The following AFF3 variants were observed in gnomAD, a reference collection of about 807,000 sequenced individuals.
AFF3 encodes the protein ALF transcription elongation factor 3.
In AFF3, 32 loss-of-function variants were observed where a neutral mutation model predicts 129.7. The observed-to-expected ratio is 0.25, with a 90% CI of 0.19 to 0.33. The LOEUF is 0.33. Among genes scored for constraint, AFF3 ranks in the 10% least tolerant of loss-of-function variants. AFF3 has a pLI of 1.00. For synonymous variants in AFF3, 644 were observed against 635.4 expected, an observed-to-expected ratio of 1.01 and a Z score of -0.20; for missense variants, 1,373 against 1,592.0, an observed-to-expected ratio of 0.86 and a Z score of 2.34.
At chr2:99,558,745 T>A (rs1354027555) in intron 22 of AFF3, 130 bp downstream of exon 22, 2 of 752,956 alleles carry the variant, frequency 2.7e-6, no homozygotes, top group Admixed American at 2.7e-5. Flanking sequence ...GTGGCATAAA[T>A]GGGGTTACCT....
Position 99,593,874 on chromosome 2 carries a change from G to T in AFF3, c.1787C>A (p.Ala596Asp). The T allele has an allele frequency of 6.5e-7, 1 of 1,540,414 alleles. No homozygotes were observed. The change falls in exon 15 of 25, where the codon GCC (alanine) becomes GAC (aspartate). Residue 596 changes from alanine to aspartate, a missense_variant. Coordinates refer to ENST00000672756, the MANE Select transcript of AFF3 (RefSeq NM_001386135.1). ...KPTRRTERTSAGDGANCHRPE... is the reference protein window; with the variant it reads ...KPTRRTERTSDGDGANCHRPE... Reference sequence around the variant, plus strand: ...CCGGTGGCAGTTGGCGCCGTCCCCGGCTGAGGTCCTCTCGGTGCGCCTGGT... The same window carrying T: ...CCGGTGGCAGTTGGCGCCGTCCCCGTCTGAGGTCCTCTCGGTGCGCCTGGT...
intron 4 of AFF3, among the ~76,000 whole-genome samples, chr2:100,094,617 G>A (rs1373195817): frequency 5.4e-5 from 8 of 149,466 alleles, no homozygotes; most frequent in Admixed American, 2.0e-4. Context: ...TCCACAGCCC[G>A]GGGGCTGGGG....
At chr2:99,916,848 C>T (rs533326259) in intron 7 of AFF3, among the ~76,000 whole-genome samples, 2 of 152,116 alleles carry the variant, frequency 1.3e-5, no homozygotes, top group African/African-American at 2.4e-5. Flanking sequence ...GAATCTCATC[C>T]TCATGAGGCC....
At chr2:99,993,822 T>TG (rs1680585907) in intron 7 of AFF3, among the ~76,000 whole-genome samples, 1 of 119,510 alleles carries the variant, frequency 8.4e-6, no homozygotes, top group Non-Finnish European at 1.7e-5. Flanking sequence ...TTTTTTTTTT[T>TG]GAGACGGAGT....
chr2:99,626,420 T>C, intron 13 of AFF3, among the ~76,000 whole-genome samples: 3 of 95,154 alleles, frequency 3.2e-5, no homozygotes, highest in Admixed American at 1.1e-4. Context: ...TCCCCTCCCT[T>C]TCTCTCTCCT....
chr2:100,090,977 A>C (rs557915714), intron 4 of AFF3, among the ~76,000 whole-genome samples: 22 of 152,356 alleles, frequency 1.4e-4, no homozygotes, highest in Admixed American at 5.2e-4. Context: ...GGCGTGAGCC[A>C]CCACGCCCAG....
At chr2:99,943,303 T>C (rs1368595825) in intron 7 of AFF3, among the ~76,000 whole-genome samples, 1 of 152,230 alleles carries the variant, frequency 6.6e-6, no homozygotes, top group African/African-American at 2.4e-5. Flanking sequence ...ATGACCATGC[T>C]GGACAGTGTC....
intron 7 of AFF3, among the ~76,000 whole-genome samples, chr2:99,998,578 A>C (rs1055636084): frequency 6.6e-6 from 1 of 152,224 alleles, no homozygotes; most frequent in African/African-American, 2.4e-5. Flanking sequence ...TTCTGCTGTT[A>C]ATCCTTTTGT....
At chr2:99,873,303 A>G (rs1692022201) in intron 7 of AFF3, among the ~76,000 whole-genome samples, 1 of 152,240 alleles carries the variant, frequency 6.6e-6, no homozygotes. Context: ...AGCGTTTGGT[A>G]GCACCGCTTT....
intron 11 of AFF3, among the ~76,000 whole-genome samples, chr2:99,717,050 G>A (rs1678466829): frequency 6.6e-6 from 1 of 152,040 alleles, no homozygotes; most frequent in Admixed American, 6.6e-5. Flanking sequence ...TTCTGTGATT[G>A]ATCCATGCTA....
At chr2:100,128,050 A>G (rs1160894359) in intron 2 of AFF3, among the ~76,000 whole-genome samples, 1 of 152,168 alleles carries the variant, frequency 6.6e-6, no homozygotes, top group Non-Finnish European at 1.5e-5. Flanking sequence ...CACTCCCACC[A>G]GCACCATGAC....
intron 11 of AFF3, among the ~76,000 whole-genome samples, chr2:99,685,572 T>C (rs1447356409): frequency 6.6e-6 from 1 of 152,136 alleles, no homozygotes; most frequent in East Asian, 1.9e-4. Context: ...ATATTTCGAG[T>C]TTATATAAAA....
Position 99,787,851 on chromosome 2 carries a change from G to A in AFF3, c.922-35550C>T, listed in dbSNP as rs1374774597. Among the ~76,000 whole-genome samples, 4 of 152,178 alleles carry A rather than the reference G, an allele frequency of 2.6e-5. No individual in the cohort carries two copies. In the South Asian group the frequency reaches 6.2e-4, roughly 24 times the overall value. On this transcript the variant is annotated intron_variant, in intron 8 of 24. Coordinates refer to ENST00000672756, the MANE Select transcript of AFF3 (RefSeq NM_001386135.1). ...GGAGTCTGCTTCCTTATCAGCAAACGCCTCCTAAAGTTGTTATGATACTTC... is the reference window on the plus strand; with the variant it reads ...GGAGTCTGCTTCCTTATCAGCAAACACCTCCTAAAGTTGTTATGATACTTC...
chr2:100,043,328 T>C (rs904206428), intron 4 of AFF3, among the ~76,000 whole-genome samples: 6 of 152,176 alleles, frequency 3.9e-5, no homozygotes. Context: ...TGGGATGGCA[T>C]GGTGCAGGAT....
intron 4 of AFF3, among the ~76,000 whole-genome samples, chr2:100,058,707 T>C (rs932630756): frequency 4.6e-5 from 7 of 152,154 alleles, no homozygotes; most frequent in Admixed American, 1.3e-4. Flanking sequence ...TGAACCTAAA[T>C]GTAAGAGACA....
At chr2:99,722,274 G>C (rs1193198637) in intron 11 of AFF3, among the ~76,000 whole-genome samples, 2 of 152,076 alleles carry the variant, frequency 1.3e-5, no homozygotes, top group African/African-American at 4.8e-5. Context: ...TCTTGATTAT[G>C]GGTCACATTT....
chr2:99,851,727 T>C (rs1690158796), intron 7 of AFF3, among the ~76,000 whole-genome samples: 1 of 152,210 alleles, frequency 6.6e-6, no homozygotes, highest in South Asian at 2.1e-4. Flanking sequence ...CAAAATGCTT[T>C]CTAGACACAT....
At chr2:99,620,930 A>G (rs913780625) in intron 13 of AFF3, among the ~76,000 whole-genome samples, 3 of 152,132 alleles carry the variant, frequency 2.0e-5, no homozygotes, top group African/African-American at 7.2e-5. Context: ...AAGCTTTCTG[A>G]GGCCTCACCA....
chr2:99,912,937 AC>A (rs1695206622), intron 7 of AFF3, among the ~76,000 whole-genome samples: 1 of 152,142 alleles, frequency 6.6e-6, no homozygotes, highest in Non-Finnish European at 1.5e-5. Context: ...ACTAAGTAGG[AC>A]CAAAATAGAC....
Sources: allele counts gnomAD v4.1 joint callset (sites outside exome capture counted in the v4.1 genomes callset), GRCh38; gene constraint gnomAD v4.1.1; transcripts MANE v1.5; gene names NCBI Gene and HGNC (gene_info 2026-07-23, HGNC 2026-07-21).